Variants in NUP98 observed in about 807,000 individuals in gnomAD.
NUP98 encodes nuclear pore complex protein Nup98-Nup96.
A neutral mutation model predicts 191.9 loss-of-function variants in NUP98; 26 were observed. That is an observed-to-expected ratio of 0.14 (90% confidence interval 0.10 to 0.19). The LOEUF is 0.19. Ranked by LOEUF, NUP98 falls within the 10% of genes least tolerant of loss-of-function variation. NUP98 has a pLI of 1.00. For missense variants in NUP98, 1,941 were observed against 2,178.8 expected (o/e 0.89, Z 2.17); for synonymous variants, 808 against 778.4 (o/e 1.04, Z -0.63).
At chr11:3,780,131 A>C (rs2081906256) in intron 2 of NUP98, among the ~76,000 whole-genome samples, 1 of 152,160 alleles carries the variant, frequency 6.6e-6, no homozygotes, top group Admixed American at 6.5e-5. Flanking sequence ...ACATATTTTG[A>C]ATAAAAACTT....
At chr11:3,702,382 A>T in intron 23 of NUP98, 81 bp downstream of exon 23, 1 of 981,422 alleles carries the variant, frequency 1.0e-6, no homozygotes, top group Non-Finnish European at 1.5e-6. Context: ...AAAGATGACA[A>T]AGCAGGGCCC....
intron 18 of NUP98, among the ~76,000 whole-genome samples, chr11:3,717,420 A>C (rs766659295): frequency 1.3e-5 from 2 of 152,070 alleles, no homozygotes; most frequent in Non-Finnish European, 2.9e-5. Flanking sequence ...TCCCTGGTTA[A>C]GTTTATTTGT....
intron 12 of NUP98, among the ~76,000 whole-genome samples, chr11:3,738,634 C>T (rs1260146424): frequency 6.6e-6 from 1 of 151,912 alleles, no homozygotes; most frequent in Admixed American, 6.6e-5. Flanking sequence ...CAAGAATTAG[C>T]CGGGCATGGT....
At chr11:3,753,233 A>G in intron 11 of NUP98, 83 bp downstream of exon 11, 3 of 1,159,464 alleles carry the variant, frequency 2.6e-6, no homozygotes, top group Non-Finnish European at 3.9e-6. Context: ...TTCCAGTAAC[A>G]TAATCAAACA....
chr11:3,720,718 G>A lies in NUP98; in HGVS notation c.2254C>T (p.Arg752Trp), dbSNP rs1362449072. Reference sequence around the variant, plus strand: ...GTGCTAAACTCACACTTACCTTTCCGACCAATAGTGAAATCAGAGACAATG... The same window carrying A: ...GTGCTAAACTCACACTTACCTTTCCAACCAATAGTGAAATCAGAGACAATG... ...ECIVSDFTIG[R>W]KGYGSIYFEG... Residue 752 changes from arginine to tryptophan, a missense_variant, in exon 17 of 33, where the codon CGG becomes TGG. This residue lies in a region of NUP98 where 453 missense variants were observed against 438.2 expected (regional missense o/e 1.03). Transcript: ENST00000324932. 1.9e-6 allele frequency: 3 copies of A among 1,559,258 alleles called. No homozygotes were observed. The highest frequency in any genetic ancestry group is 2.6e-6 in the Non-Finnish European group (3 of 1,134,778).
In NUP98 at chr11:3,775,994, C is replaced by G; in HGVS notation, c.383G>C (p.Gly128Ala). 1.9e-6 allele frequency: 3 copies of G among 1,613,338 alleles called. No homozygotes were observed. The South Asian group carries it at 3.3e-5, about 18-fold the overall frequency. ...GNFGTSTSSG[G>A]LFGTTNTTSN... ...GGTGGTATTTGTGGTTCCAAAGAGT[C>G]CTCCACTGCTAGTACTGGTTCCAAA... The change falls in exon 5 of 33, where the codon GGA becomes GCA. Residue 128 changes from glycine (G) to alanine (A), a missense_variant. By Grantham distance (60) the Gly-to-Ala change is moderately conservative (BLOSUM62 0). Transcript: ENST00000324932.
intron 8 of NUP98, among the ~76,000 whole-genome samples, chr11:3,767,684 G>C (rs1229572412): frequency 6.6e-6 from 1 of 151,940 alleles, no homozygotes; most frequent in Non-Finnish European, 1.5e-5. Flanking sequence ...TCCAAGTCCT[G>C]ATCAATTACT....
At chr11:3,686,242 T>C in intron 28 of NUP98, 48 bp from the exon 29 acceptor site, 1 of 1,523,546 alleles carries the variant, frequency 6.6e-7, no homozygotes, top group South Asian at 1.1e-5. Flanking sequence ...GGAGACGGCC[T>C]GGACTGATAT....
At chr11:3,722,048 A>AGCATAATAAATTC (rs968325052) in intron 16 of NUP98, among the ~76,000 whole-genome samples, 3 of 151,730 alleles carry the variant, frequency 2.0e-5, no homozygotes, top group Admixed American at 2.0e-4. Flanking sequence ...GATATATAGT[A>AGCATAATAAATTC]GCATAATAAA....
chr11:3,797,464 G>C lies in NUP98; in HGVS notation c.-93C>G. 4.7e-6 allele frequency: 2 copies of C among 424,672 alleles called. No individual in the cohort carries two copies. The highest frequency in any genetic ancestry group is 8.3e-6 in the Non-Finnish European group (2 of 241,572). The allele number at this position is 424,672 out of a possible 1,614,324, so 26.3% of individuals were successfully genotyped here. A position where few individuals can be genotyped will look rare whatever the true frequency, so the allele number is the denominator to read the frequency against. ...GCTGCCACCCGCCGCTCACAGAGCA[G>C]CGCGCGGCCCCCACGAAACCGTCGC... On this transcript the variant is annotated 5_prime_UTR_variant, in exon 1 of 33. Transcript: ENST00000324932.
Position 3,731,450 on chromosome 11 carries a change from A to C in NUP98, c.1671T>G (p.His557Gln). 6.2e-7 allele frequency: 1 copy of C among 1,607,688 alleles called. No homozygotes were observed. Among genetic ancestry groups the C allele is most frequent in the Non-Finnish European group, 8.5e-7 (1 of 1,176,750 alleles). ...CATCGTCATCCAGCCCATCAAAGAG[A>C]TGTGACTTGGCTGTGCCTGTTGTTT... ...ALQTTGTAKS[H>Q]LFDGLDDDEP... The change falls in exon 14 of 33, where the codon CAT becomes CAG. Residue 557 changes from histidine (H) to glutamine (Q), a missense_variant. This residue lies in a region of NUP98 where 453 missense variants were observed against 438.2 expected (regional missense o/e 1.03). Coordinates refer to ENST00000324932, the MANE Select transcript of NUP98 (RefSeq NM_016320.5).
chr11:3,777,939 C>T (rs2081804510), intron 4 of NUP98, among the ~76,000 whole-genome samples: 1 of 151,924 alleles, frequency 6.6e-6, no homozygotes, highest in Non-Finnish European at 1.5e-5. Flanking sequence ...TGGCTCACAC[C>T]TGTAATCCTA....
chr11:3,780,171 T>A (rs1188668956), intron 2 of NUP98, among the ~76,000 whole-genome samples: 1 of 151,844 alleles, frequency 6.6e-6, no homozygotes, highest in Non-Finnish European at 1.5e-5. Context: ...GCACTTTTAG[T>A]TAAAAACCAC....
intron 19 of NUP98, among the ~76,000 whole-genome samples, chr11:3,713,275 G>GT (rs2079074373): frequency 6.6e-6 from 1 of 152,200 alleles, no homozygotes; most frequent in Non-Finnish European, 1.5e-5. Context: ...CCTTAGAAAT[G>GT]TATTTATAAA....
intron 1 of NUP98, among the ~76,000 whole-genome samples, chr11:3,790,282 G>A (rs954279778): frequency 6.6e-6 from 1 of 152,130 alleles, no homozygotes; most frequent in African/African-American, 2.4e-5. Context: ...TTTTAGCCAT[G>A]AAACCCGACA....
chr11:3,777,857 T>C (rs1239418428), intron 4 of NUP98, among the ~76,000 whole-genome samples: 1 of 151,890 alleles, frequency 6.6e-6, no homozygotes, highest in Admixed American at 6.6e-5. Context: ...TTATATACTG[T>C]TATGGCTAAA....
Position 3,775,877 on chromosome 11 carries a change from C to T in NUP98, c.495+5G>A. 6.2e-7 allele frequency: 1 copy of T among 1,606,860 alleles called. No individual in the cohort carries two copies. Among genetic ancestry groups the T allele is most frequent in the Non-Finnish European group, 8.5e-7 (1 of 1,178,002 alleles). On this transcript the variant is annotated splice_donor_5th_base_variant and intron_variant, in intron 5 of 32. Transcript: ENST00000324932. ...ATTCCACAAAGATTGGAAGAAAATA[C>T]ATACGTTAAATTTAATAGTAGTCCC...
chr11:3,682,951 A>AAAT (rs143428849), intron 30 of NUP98, among the ~76,000 whole-genome samples: 1 of 152,322 alleles, frequency 6.6e-6, no homozygotes, highest in Admixed American at 6.5e-5. Context: ...AAACAAATTA[A>AAAT]AATAATAATA....
At chr11:3,774,114 G>T (rs972050828) in intron 5 of NUP98, among the ~76,000 whole-genome samples, 1 of 152,040 alleles carries the variant, frequency 6.6e-6, no homozygotes, top group South Asian at 2.1e-4. Flanking sequence ...AAAAAAATAC[G>T]GAGGGCCAGG....
Sources: gnomAD v4.1 joint callset for allele counts (sites outside exome capture counted in the v4.1 genomes callset) on GRCh38, gnomAD v4.1.1 for gene constraint, gnomAD v4.1.1 regional missense constraint, MANE v1.5 for transcripts, NCBI Gene and HGNC (gene_info 2026-07-23, HGNC 2026-07-21) for gene names.